SEPTIN9: variants seen among roughly 807,000 people sequenced by gnomAD.
SEPTIN9 encodes the protein septin-9.
SEPTIN9 carries 13 observed loss-of-function variants against 56.6 expected under a neutral mutation model. The ratio of observed to expected loss-of-function variants is 0.23; its 90% CI spans 0.15 to 0.37. SEPTIN9 has a LOEUF of 0.37. SEPTIN9 is among the 10% of genes least tolerant of loss of function. The pLI is 1.00. For missense variants in SEPTIN9, 650 were observed against 823.1 expected, an observed-to-expected ratio of 0.79 and a Z score of 2.57; for synonymous variants, 332 against 334.1, an observed-to-expected ratio of 0.99 and a Z score of 0.07.
Position 77,450,218 on chromosome 17 carries a change from T to C in SEPTIN9, c.722-31926T>C, listed in dbSNP as rs2037913476. On this transcript the variant is annotated intron_variant, in intron 3 of 11. Coordinates refer to ENST00000427177, the MANE Select transcript of SEPTIN9 (RefSeq NM_001113491.2). This position sits in a 1 kb window ranked among gnomAD's most constrained non-coding sequence, Gnocchi z 6.0. ...CAGTGACTGCTGGCTGGGGAGCCGCTGGACGTGGCTGGCCTGTTTGGCCAG... is the reference window on the plus strand; with the variant it reads ...CAGTGACTGCTGGCTGGGGAGCCGCCGGACGTGGCTGGCCTGTTTGGCCAG... 6.6e-6 allele frequency among the ~76,000 whole-genome samples: 1 copy of C among 152,124 alleles called. No individual in the cohort carries two copies. The highest frequency in any genetic ancestry group is 1.5e-5 in the Non-Finnish European group (1 of 68,014).
rs1337491280 is a variant in SEPTIN9 at position 77,405,045 on chromosome 17, G to C, written c.721+2342G>C. 3.3e-6 allele frequency: 5 copies of C among 1,531,226 alleles called. No homozygotes were observed. The South Asian group carries it at 6.0e-5, about 18-fold the overall frequency. The allele number at this position is 1,531,226 out of a possible 1,614,324, so 94.9% of individuals were successfully genotyped here. ...GTTCACACTCAGCTGAGTCAAACAG[G>C]ATGTGGCTGGGGAGGCGGTTGTCAC... is the stretch of plus-strand genomic sequence containing the variant. On this transcript the variant is annotated intron_variant, in intron 3 of 11. Coordinates refer to ENST00000427177, the MANE Select transcript of SEPTIN9 (RefSeq NM_001113491.2). The surrounding 1 kb of genome is among the most constrained non-coding windows in gnomAD (Gnocchi z 5.8).
chr17:77,336,402 A>T (rs2033555403), intron 2 of SEPTIN9, among the ~76,000 whole-genome samples: 1 of 151,920 alleles, frequency 6.6e-6, no homozygotes, highest in Non-Finnish European at 1.5e-5. Flanking sequence ...TATTTCTTTT[A>T]TTTCTCTACT....
chr17:77,308,913 A>G (rs1352650717), intron 2 of SEPTIN9, among the ~76,000 whole-genome samples: 1 of 152,220 alleles, frequency 6.6e-6, no homozygotes, highest in East Asian at 1.9e-4. Flanking sequence ...GTATGTGGGA[A>G]GAGGGGGGTG....
chr17:77,394,015 C>T (rs1167652734), intron 2 of SEPTIN9, among the ~76,000 whole-genome samples: 10 of 152,316 alleles, frequency 6.6e-5, no homozygotes, highest in Non-Finnish European at 8.8e-5. Flanking sequence ...ATAAAGAGCA[C>T]GGTCCCTGTG....
In SEPTIN9 at chr17:77,369,658, G is replaced by A. The variant is rs1598264552; in HGVS notation, c.77-32401G>A. Among the ~76,000 whole-genome samples, 1 of 152,302 alleles carries A rather than the reference G, an allele frequency of 6.6e-6. No homozygotes were observed. The highest frequency in any genetic ancestry group is 2.1e-4 in the South Asian group (1 of 4,822). ...ATAAGACCATCTGGGCCCTGCCCTT[G>A]GGAAGTCTCTGTCTATGAGGACACA... On this transcript the variant is annotated intron_variant, in intron 2 of 11. Coordinates refer to ENST00000427177, the MANE Select transcript of SEPTIN9 (RefSeq NM_001113491.2). This position sits in a 1 kb window ranked among gnomAD's most constrained non-coding sequence, Gnocchi z 4.9.
chr17:77,496,052 G>A (rs767003422), intron 10 of SEPTIN9, among the ~76,000 whole-genome samples: 124 of 141,046 alleles, frequency 8.8e-4, no homozygotes, highest in Non-Finnish European at 1.7e-3. Flanking sequence ...TTTTTGAGAC[G>A]AAGTTTCACT....
At position 77,412,956 on chromosome 17, in the gene SEPTIN9, A is replaced by G. The variant is rs191700734; in HGVS notation, c.721+10253A>G. On this transcript the variant is annotated intron_variant, in intron 3 of 11. Transcript: ENST00000427177. ...AATTTCACCCACGTTTTCTTCTAGT[A>G]CTTCTGTGGTTTCATTTTTACATGT... 1.8e-4 allele frequency among the ~76,000 whole-genome samples: 28 copies of G among 152,254 alleles called. No individual in the cohort carries two copies. In the East Asian group the frequency reaches 5.4e-3, roughly 29 times the overall value.
At chr17:77,392,004 G>A (rs964068500) in intron 2 of SEPTIN9, among the ~76,000 whole-genome samples, 2 of 152,212 alleles carry the variant, frequency 1.3e-5, no homozygotes, top group South Asian at 4.1e-4. Context: ...AAGGAATGCT[G>A]TGGGCTGCTG....
In SEPTIN9 at chr17:77,389,252, A is replaced by T. The variant is rs1237112487; in HGVS notation, c.77-12807A>T. 1.3e-5 allele frequency among the ~76,000 whole-genome samples: 2 copies of T among 152,082 alleles called. No homozygotes were observed. The highest frequency in any genetic ancestry group is 1.3e-4 in the Admixed American group (2 of 15,284). On this transcript the variant is annotated intron_variant, in intron 2 of 11. Coordinates refer to ENST00000427177, the MANE Select transcript of SEPTIN9 (RefSeq NM_001113491.2). This position sits in a 1 kb window ranked among gnomAD's most constrained non-coding sequence, Gnocchi z 4.3. Reference sequence around the variant, plus strand: ...AGTCTGCTGTTGTTGGAGGGTCGGAAGTAGAGGGGAAGGAGGGGCACGCGG... The same window carrying T: ...AGTCTGCTGTTGTTGGAGGGTCGGATGTAGAGGGGAAGGAGGGGCACGCGG...
At chr17:77,399,089 G>T (rs919008774) in intron 2 of SEPTIN9, among the ~76,000 whole-genome samples, 4 of 152,208 alleles carry the variant, frequency 2.6e-5, no homozygotes, top group Admixed American at 2.6e-4. Context: ...CTAGGGGAGG[G>T]GCCAGCTCCG....
intron 3 of SEPTIN9, among the ~76,000 whole-genome samples, chr17:77,440,416 A>G (rs1311115302): frequency 6.6e-6 from 1 of 152,120 alleles, no homozygotes; most frequent in Non-Finnish European, 1.5e-5. Context: ...TCGCCTCCCA[A>G]AGTGTTGGGA....
chr17:77,390,751 A>G (rs2627202), intron 2 of SEPTIN9, among the ~76,000 whole-genome samples: 42,433 of 152,076 alleles, frequency 0.28, 6,749 homozygotes, highest in East Asian at 0.66. Flanking sequence ...GCGCCCGGCC[A>G]CACGTTTCTG....
chr17:77,498,420 G>T, intron 11 of SEPTIN9, 103 bp from the exon 12 acceptor site: 1 of 725,968 alleles, frequency 1.4e-6, no homozygotes, highest in Admixed American at 2.2e-5. Flanking sequence ...GGGGGTGGGG[G>T]CAGGCGGGCC....
In SEPTIN9 at chr17:77,445,635, A is replaced by G. The variant is rs912217609; in HGVS notation, c.722-36509A>G. 2 of 361,748 alleles carry G rather than the reference A, an allele frequency of 5.5e-6. No individual in the cohort carries two copies. Among genetic ancestry groups the G allele is most frequent in the East Asian group, 7.8e-5 (1 of 12,812 alleles). 22.4% of individuals were successfully genotyped at this position (361,748 alleles called of 1,614,324 possible). On this transcript the variant is annotated intron_variant, in intron 3 of 11. Transcript: ENST00000427177. The surrounding 1 kb of genome is among the most constrained non-coding windows in gnomAD (Gnocchi z 4.7). ...TGTGTTTCAGCAGCACGTGGGTGTC[A>G]CCACACTTCCTAGCAGGTGTCAACC...
chr17:77,393,845 C>G (rs7211057), intron 2 of SEPTIN9, among the ~76,000 whole-genome samples: 2,210 of 152,266 alleles, frequency 0.015, 39 homozygotes, highest in African/African-American at 0.051. Flanking sequence ...CTCAGCCTCC[C>G]AAAGTGTTAG....
In SEPTIN9 at chr17:77,459,588, G is replaced by A. The variant is rs2038368368; in HGVS notation, c.722-22556G>A. On this transcript the variant is annotated intron_variant, in intron 3 of 11. Transcript: ENST00000427177. Reference sequence around the variant, plus strand: ...GGGGGGTTATTTGACTCACGGTTCTGCAGGCTGTACAAGTGGTGCCAGCAT... The same window carrying A: ...GGGGGGTTATTTGACTCACGGTTCTACAGGCTGTACAAGTGGTGCCAGCAT... Among the ~76,000 whole-genome samples the A allele has an allele frequency of 2.6e-5, 4 of 152,292 alleles. No individual in the cohort carries two copies. In the South Asian group the frequency reaches 8.3e-4, roughly 32 times the overall value.
In SEPTIN9 at chr17:77,480,988, C is replaced by T. The variant is rs535934210; in HGVS notation, c.722-1156C>T. Among the ~76,000 whole-genome samples, 3 of 152,318 alleles carry T rather than the reference C, an allele frequency of 2.0e-5. No individual in the cohort carries two copies. The East Asian group carries it at 5.8e-4, about 29-fold the overall frequency. ...GCAGAGGCACCACCTCTGTGACCAG[C>T]GAGTTGTCTGCACCTGCATGCGCAT... On this transcript the variant is annotated intron_variant, in intron 3 of 11. Coordinates refer to ENST00000427177, the MANE Select transcript of SEPTIN9 (RefSeq NM_001113491.2).
chr17:77,429,201 G>A lies in SEPTIN9; in HGVS notation c.721+26498G>A. 2.1e-6 allele frequency: 1 copy of A among 471,886 alleles called. No individual in the cohort carries two copies. The allele number at this position is 471,886 out of a possible 1,614,324, so 29.2% of individuals were successfully genotyped here. On this transcript the variant is annotated intron_variant, in intron 3 of 11. Transcript: ENST00000427177. The surrounding 1 kb of genome is among the most constrained non-coding windows in gnomAD (Gnocchi z 5.2). Reference sequence around the variant, plus strand: ...CAAGGCTGAGGCCGAGGCTGAGGCTGAGGCCACCTTGGTGAGGAGGAAATT... The same window carrying A: ...CAAGGCTGAGGCCGAGGCTGAGGCTAAGGCCACCTTGGTGAGGAGGAAATT...
chr17:77,458,451 C>G (rs1041550594), intron 3 of SEPTIN9, among the ~76,000 whole-genome samples: 5 of 152,162 alleles, frequency 3.3e-5, no homozygotes, highest in African/African-American at 1.2e-4. Context: ...GGGAGGAGCC[C>G]CACTCGAGGG....
Sources: allele counts gnomAD v4.1 joint callset (sites outside exome capture counted in the v4.1 genomes callset), GRCh38; gene constraint gnomAD v4.1.1; non-coding constraint Gnocchi (gnomAD v3.1); transcripts MANE v1.5; gene names NCBI Gene and HGNC (gene_info 2026-07-23, HGNC 2026-07-21).